The following LOC128092252 variants were observed in gnomAD, a reference collection of about 807,000 sequenced individuals.
At chr15:50,664,199 G>C in the LOC128092252 span, among the ~76,000 whole-genome samples, 1 of 151,542 alleles carries the variant, frequency 6.6e-6, no homozygotes, top group African/African-American at 2.4e-5. Flanking sequence ...TCCGGAGGCT[G>C]AGGCAGGAGA....
At chr15:50,658,332 T>C in the LOC128092252 span, among the ~76,000 whole-genome samples, 1 of 151,814 alleles carries the variant, frequency 6.6e-6, no homozygotes, top group Admixed American at 6.6e-5. Context: ...ATTGCAACAC[T>C]CTGGGAGGCA....
the LOC128092252 span, among the ~76,000 whole-genome samples, chr15:50,676,035 C>T: frequency 6.6e-6 from 1 of 152,202 alleles, no homozygotes; most frequent in African/African-American, 2.4e-5. Flanking sequence ...ACAAAATGAT[C>T]CATGTAAGTT....
At chr15:50,679,912 C>T in the LOC128092252 span, among the ~76,000 whole-genome samples, 2 of 152,044 alleles carry the variant, frequency 1.3e-5, no homozygotes, top group Non-Finnish European at 2.9e-5. Context: ...CTAAGGATTG[C>T]CCCAGAGTAT....
the LOC128092252 span, among the ~76,000 whole-genome samples, chr15:50,678,966 T>G: frequency 6.6e-6 from 1 of 152,170 alleles, no homozygotes; most frequent in South Asian, 2.1e-4. Flanking sequence ...CTCCACCTCC[T>G]GGGTTCAAGA....
the LOC128092252 span, among the ~76,000 whole-genome samples, chr15:50,665,694 C>T: frequency 6.6e-6 from 1 of 152,088 alleles, no homozygotes; most frequent in African/African-American, 2.4e-5. Flanking sequence ...TAAGTGATTA[C>T]ATTTAAAAAT....
At chr15:50,660,974 A>G in the LOC128092252 span, among the ~76,000 whole-genome samples, 1 of 150,266 alleles carries the variant, frequency 6.7e-6, no homozygotes, top group African/African-American at 2.5e-5. Flanking sequence ...ATTAACTACC[A>G]TTCCTTTTTT....
the LOC128092252 span, among the ~76,000 whole-genome samples, chr15:50,651,846 C>T: frequency 3.4e-3 from 522 of 151,962 alleles, 13 homozygotes; most frequent in East Asian, 1.7e-3. Flanking sequence ...GAGATCGCGC[C>T]ACTGCACATC....
At chr15:50,668,467 CTATT>C in the LOC128092252 span, among the ~76,000 whole-genome samples, 1 of 152,220 alleles carries the variant, frequency 6.6e-6, no homozygotes, top group Non-Finnish European at 1.5e-5. Context: ...AATTTGGAGA[CTATT>C]TATGAGTACT....
chr15:50,655,456 C>T, the LOC128092252 span, among the ~76,000 whole-genome samples: 2 of 129,860 alleles, frequency 1.5e-5, no homozygotes, highest in African/African-American at 2.8e-5. Context: ...AACAAAAAAA[C>T]AAAAAACCTT....
At chr15:50,682,996 C>T in the LOC128092252 span, among the ~76,000 whole-genome samples, 1 of 151,884 alleles carries the variant, frequency 6.6e-6, no homozygotes, top group African/African-American at 2.4e-5. Context: ...CATCCTCCCA[C>T]CTCAGCCTCC....
At chr15:50,650,637 G>A in the LOC128092252 span, among the ~76,000 whole-genome samples, 1 of 152,020 alleles carries the variant, frequency 6.6e-6, no homozygotes. Flanking sequence ...AGAGGTTGTG[G>A]TGAGCCGAGA....
the LOC128092252 span, among the ~76,000 whole-genome samples, chr15:50,652,087 C>G: frequency 6.6e-6 from 1 of 151,574 alleles, no homozygotes; most frequent in Non-Finnish European, 1.5e-5. Flanking sequence ...AATCCCAGCA[C>G]TTCAGGGGGC....
At chr15:50,681,667 C>A in the LOC128092252 span, among the ~76,000 whole-genome samples, 2 of 152,186 alleles carry the variant, frequency 1.3e-5, no homozygotes, top group East Asian at 3.8e-4. Flanking sequence ...GATGACTTAG[C>A]TCAAAAGCTT....
the LOC128092252 span, among the ~76,000 whole-genome samples, chr15:50,684,536 G>A: frequency 6.6e-6 from 1 of 152,032 alleles, no homozygotes; most frequent in Admixed American, 6.6e-5. Flanking sequence ...AGCTACTCGG[G>A]AGGCTGAGGC....
chr15:50,655,485 T>C, the LOC128092252 span, among the ~76,000 whole-genome samples: 1 of 149,672 alleles, frequency 6.7e-6, no homozygotes, highest in Non-Finnish European at 1.5e-5. Flanking sequence ...GGTAAAAAAT[T>C]TGAACGTGCA....
At chr15:50,674,130 A>T in the LOC128092252 span, among the ~76,000 whole-genome samples, 1 of 152,174 alleles carries the variant, frequency 6.6e-6, no homozygotes, top group Non-Finnish European at 1.5e-5. Flanking sequence ...CTGAGATAAC[A>T]GGTACCTGCC....
the LOC128092252 span, among the ~76,000 whole-genome samples, chr15:50,652,166 C>T: frequency 6.6e-6 from 1 of 150,884 alleles, no homozygotes; most frequent in Non-Finnish European, 1.5e-5. Context: ...AATCCTGTCT[C>T]TACTAAAAAT....
At chr15:50,665,402 A>C in the LOC128092252 span, among the ~76,000 whole-genome samples, 1 of 152,056 alleles carries the variant, frequency 6.6e-6, no homozygotes, top group African/African-American at 2.4e-5. Flanking sequence ...CTAAAAAAAA[A>C]AAAAAAAATT....
the LOC128092252 span, chr15:50,648,917 T>A: frequency 1.3e-6 from 2 of 1,518,700 alleles, no homozygotes; most frequent in Non-Finnish European, 1.8e-6. Context: ...AAAACACCCT[T>A]CAAAAAATTA....
Sources: gnomAD v4.1 joint callset for allele counts (sites outside exome capture counted in the v4.1 genomes callset) on GRCh38, gnomAD v4.1.1 for gene constraint, MANE v1.5 for transcripts.